Variants in PPP2R2D observed in about 807,000 individuals in gnomAD.
PPP2R2D encodes serine/threonine-protein phosphatase 2A 55 kDa regulatory subunit B delta isoform.
In PPP2R2D, 9 loss-of-function variants were observed where a neutral mutation model predicts 31.1. The ratio of observed to expected loss-of-function variants is 0.29; its 90% CI spans 0.17 to 0.51. PPP2R2D has a LOEUF of 0.51. PPP2R2D is among the 20% of genes least tolerant of loss of function. The pLI is 0.98. For missense variants in PPP2R2D, 391 were observed against 465.6 expected, an observed-to-expected ratio of 0.84 and a Z score of 1.48; for synonymous variants, 179 against 172.6, an observed-to-expected ratio of 1.04 and a Z score of -0.29.
chr10:131,911,152 G>A (rs897539708), intron 2 of PPP2R2D, among the ~76,000 whole-genome samples: 3 of 152,166 alleles, frequency 2.0e-5, no homozygotes, highest in Admixed American at 1.3e-4. Context: ...GTTGGCTCTC[G>A]AAGTGGGGGG....
chr10:131,954,899 C>T (rs996087521), intron 8 of PPP2R2D, among the ~76,000 whole-genome samples: 2 of 152,212 alleles, frequency 1.3e-5, no homozygotes, highest in African/African-American at 4.8e-5. Context: ...TGTTTGAACA[C>T]ATCTTTCATC....
intron 3 of PPP2R2D, among the ~76,000 whole-genome samples, chr10:131,935,550 TGC>T (rs2036323273): frequency 2.0e-5 from 3 of 152,282 alleles, no homozygotes; most frequent in Middle Eastern, 6.8e-3. Flanking sequence ...AATTGACAGG[TGC>T]TAACCAATTT....
At chr10:131,927,730 A>G (rs1279369782) in intron 2 of PPP2R2D, among the ~76,000 whole-genome samples, 1 of 152,064 alleles carries the variant, frequency 6.6e-6, no homozygotes, top group Non-Finnish European at 1.5e-5. Context: ...ATTGCACCCT[A>G]AGTCCTCTGC....
intron 5 of PPP2R2D, among the ~76,000 whole-genome samples, 161 bp from the exon 6 acceptor site, chr10:131,943,807 T>C (rs967889821): frequency 2.6e-5 from 4 of 152,236 alleles, no homozygotes; most frequent in Non-Finnish European, 5.9e-5. Context: ...TTGTAGCATA[T>C]TTTCATAACT....
In PPP2R2D at chr10:131,919,713, G is replaced by A. The variant is rs1267878567; in HGVS notation, c.101-14745G>A. On this transcript the variant is annotated intron_variant, in intron 2 of 8. Coordinates refer to ENST00000455566, the MANE Select transcript of PPP2R2D (RefSeq NM_018461.5). ...CAGTGTTTATAGGGACCTCAGGCCG[G>A]TGGAATGACACAGTGTTCGTAGGGA... is the stretch of plus-strand genomic sequence containing the variant. Among the ~76,000 whole-genome samples, 2 of 129,056 alleles carry A rather than the reference G, an allele frequency of 1.5e-5. 1 individual carries two copies. Among genetic ancestry groups the A allele is most frequent in the Non-Finnish European group, 3.3e-5 (2 of 60,688 alleles). The allele number at this position is 129,056 out of a possible 152,430, so 84.7% of individuals were successfully genotyped here.
At chr10:131,961,044 G>C (rs1354592750), downstream of PPP2R2D, among the ~76,000 whole-genome samples, 2 of 152,172 alleles carry the variant, frequency 1.3e-5, no homozygotes, top group Non-Finnish European at 2.9e-5. Context: ...GAAGCTGTCC[G>C]TGAGCTGGTG....
intron 8 of PPP2R2D, among the ~76,000 whole-genome samples, chr10:131,951,828 AC>A (rs2036641772): frequency 6.6e-6 from 1 of 152,280 alleles, no homozygotes; most frequent in Admixed American, 6.5e-5. Context: ...TCAAAAAAAA[AC>A]AAAAAAAATC....
the PPP2R2D span, chr10:131,967,667 A>G: frequency 1.3e-5 from 2 of 152,668 alleles, no homozygotes; most frequent in Non-Finnish European, 2.9e-5. Flanking sequence ...ATTTTAAACC[A>G]TATGTAAATA....
intron 2 of PPP2R2D, among the ~76,000 whole-genome samples, chr10:131,909,949 C>T (rs1382240473): frequency 1.3e-5 from 2 of 152,242 alleles, no homozygotes; most frequent in African/African-American, 2.4e-5. Context: ...CACTTTTGCA[C>T]ATCCTTTTAA....
rs1269944362 is a variant in PPP2R2D at position 131,901,245 on chromosome 10, A to C, written c.15A>C (p.Gly5=). The change falls in exon 2 of 9, where the codon GGA becomes GGC. Residue 5 remains glycine (G), a synonymous_variant. Coordinates refer to ENST00000455566, the MANE Select transcript of PPP2R2D (RefSeq NM_018461.5). MAGA[G]GGGCPAGGND... ...GCCCCGTTGTGTTTGCAGGAGCCGG[A>C]GGCGGCGGCTGCCCCGCGGGCGGCA... 2.8e-6 allele frequency: 1 copy of C among 353,866 alleles called. No individual in the cohort carries two copies. The highest frequency in any genetic ancestry group is 2.2e-5 in the African/African-American group (1 of 46,116). The allele number at this position is 353,866 out of a possible 1,614,324, so 21.9% of individuals were successfully genotyped here.
chr10:131,916,226 C>T lies in PPP2R2D; in HGVS notation c.100+14896C>T, dbSNP rs183869856. 4.6e-5 allele frequency among the ~76,000 whole-genome samples: 7 copies of T among 152,198 alleles called. No individual in the cohort carries two copies. The East Asian group carries it at 1.4e-3, about 29-fold the overall frequency. Reference sequence around the variant, plus strand: ...CGCACACACAGCACCCAGAGGCGGGCTCTGTGGAGTTCGCATCTATATGTC... The same window carrying T: ...CGCACACACAGCACCCAGAGGCGGGTTCTGTGGAGTTCGCATCTATATGTC... On this transcript the variant is annotated intron_variant, in intron 2 of 8. Transcript: ENST00000455566.
chr10:131,953,791 C>T (rs560596798), intron 8 of PPP2R2D, among the ~76,000 whole-genome samples: 1 of 151,538 alleles, frequency 6.6e-6, no homozygotes, highest in African/African-American at 2.4e-5. Context: ...GGTTCACTGT[C>T]TTAGCAGTGA....
At chr10:131,918,408 G>T (rs1417204611) in intron 2 of PPP2R2D, among the ~76,000 whole-genome samples, 1 of 147,514 alleles carries the variant, frequency 6.8e-6, no homozygotes, top group Non-Finnish European at 1.5e-5. Flanking sequence ...CACAATGTAG[G>T]GATCTCACAT....
chr10:131,918,646 T>C (rs1554893628), intron 2 of PPP2R2D, among the ~76,000 whole-genome samples: 1 of 131,750 alleles, frequency 7.6e-6, no homozygotes, highest in African/African-American at 3.0e-5. Context: ...GACACAGTGT[T>C]TGTAGGGACC....
chr10:131,902,387 C>G (rs1005269910), intron 2 of PPP2R2D, among the ~76,000 whole-genome samples: 5 of 152,144 alleles, frequency 3.3e-5, no homozygotes, highest in African/African-American at 1.2e-4. Context: ...CTTTTACTCC[C>G]TCTTCCCTAC....
rs2036838321 is a variant in PPP2R2D at position 131,957,873 on chromosome 10, CCT to C, written c.*1911_*1912del. 1 of 140,634 alleles carries C rather than the reference CCT, an allele frequency of 7.1e-6. No individual in the cohort carries two copies. Among genetic ancestry groups the C allele is most frequent in the Non-Finnish European group, 1.5e-5 (1 of 68,802 alleles). 8.7% of individuals were successfully genotyped at this position (140,634 alleles called of 1,614,324 possible). On this transcript the variant is annotated 3_prime_UTR_variant, in exon 9 of 9. Coordinates refer to ENST00000455566, the MANE Select transcript of PPP2R2D (RefSeq NM_018461.5). ...TGGAGATGAAGGGGTGTGTTGATCC[CCT>C]GTCCCCCTGTGGAGATGGTGTGTGC...
At chr10:131,919,220 G>A (rs1171910108) in intron 2 of PPP2R2D, among the ~76,000 whole-genome samples, 5 of 127,176 alleles carry the variant, frequency 3.9e-5, no homozygotes, top group African/African-American at 3.0e-5. Context: ...ATGACACAGT[G>A]TAGGGACCTC....
intron 8 of PPP2R2D, 105 bp from the exon 9 acceptor site, chr10:131,955,579 T>G: frequency 1.0e-6 from 1 of 995,510 alleles, no homozygotes; most frequent in Non-Finnish European, 1.3e-6. Context: ...GTAACTGGGT[T>G]GTGGGGGAGG....
At chr10:131,959,892 A>AAAT (rs1415902404), downstream of PPP2R2D, 4 of 152,238 alleles carry the variant, frequency 2.6e-5, no homozygotes, top group Non-Finnish European at 5.9e-5. Context: ...ATTTCCCACT[A>AAAT]AATAGCCCAC....
Sources: allele counts gnomAD v4.1 joint callset (sites outside exome capture counted in the v4.1 genomes callset), GRCh38; gene constraint gnomAD v4.1.1; transcripts MANE v1.5; gene names NCBI Gene and HGNC (gene_info 2026-07-23, HGNC 2026-07-21).